Variants in EP400 observed in about 807,000 individuals in gnomAD.
The protein encoded by EP400 is E1A-binding protein p400.
EP400 carries 105 observed loss-of-function variants against 354.1 expected under a neutral mutation model. The ratio of observed to expected loss-of-function variants is 0.30; its 90% CI spans 0.25 to 0.35. The LOEUF (loss-of-function observed/expected upper bound fraction) is 0.35, where lower values mean the gene tolerates loss of function less well. Ranked by LOEUF, EP400 falls within the 10% of genes least tolerant of loss-of-function variation. EP400 has a pLI of 1.00. For missense variants in EP400, 3,280 were observed against 4,121.0 expected, an observed-to-expected ratio of 0.80 and a Z score of 5.59; for synonymous variants, 1,646 against 1,716.9, an observed-to-expected ratio of 0.96 and a Z score of 1.02.
intron 2 of EP400, among the ~76,000 whole-genome samples, chr12:131,977,864 G>A (rs2136486391): frequency 6.6e-6 from 1 of 152,266 alleles, no homozygotes; most frequent in South Asian, 2.1e-4. Context: ...GCTGGTGGTG[G>A]CTGTGTGGTG....
chr12:132,028,361 G>A lies in EP400; in HGVS notation c.5381+73G>A, dbSNP rs116908333. ...CCCCGGCAAGACCCCTTCTTGTCTC[G>A]TGGATGTACATCTTACTCCCATCGG... is the stretch of plus-strand genomic sequence containing the variant. On this transcript the variant is annotated intron_variant, in intron 27 of 52. Coordinates refer to ENST00000389561, the MANE Select transcript of EP400 (RefSeq NM_015409.5). The A allele has an allele frequency of 6.4e-3, 9,932 of 1,559,420 alleles. 55 individuals are homozygous for A. Among genetic ancestry groups the A allele is most frequent in the Non-Finnish European group, 6.8e-3 (7,777 of 1,141,618 alleles).
At position 132,028,055 on chromosome 12, in the gene EP400, GATTT is replaced by G. The variant is rs771194366; in HGVS notation, c.5154_5157del (p.Tyr1718Ter). The G allele has an allele frequency of 6.2e-7, 1 of 1,614,206 alleles. No individual in the cohort carries two copies. The highest frequency in any genetic ancestry group is 8.5e-7 in the Non-Finnish European group (1 of 1,180,028). On this transcript the variant is annotated frameshift_variant, in exon 27 of 53. Transcript: ENST00000389561. LOFTEE classifies it high-confidence loss of function. ...GACTCTTGAAAGAGCGCCTGGATCA[GATTT>G]ATTTAGTCAACGAGCGGCGCTGTTC...
intron 50 of EP400, chr12:132,068,334 G>C (rs1004056713): frequency 1.4e-4 from 22 of 152,388 alleles, no homozygotes; most frequent in Admixed American, 5.9e-4. Context: ...CCTCAAGACG[G>C]AGGATGTTGT....
At chr12:131,979,345 G>A (rs1892601343) in intron 2 of EP400, among the ~76,000 whole-genome samples, 1 of 152,176 alleles carries the variant, frequency 6.6e-6, no homozygotes, top group African/African-American at 2.4e-5. Flanking sequence ...TGGGCAGTGT[G>A]ACTGATGAGT....
In EP400 at chr12:132,011,482, G is replaced by T. The variant is rs781310074; in HGVS notation, c.3305-16G>T. ...CAGATACTTTGACGTGGAAAATTCTGTTTTTTGCTTTGTAGGTAATTGGGG... is the reference window on the plus strand; with the variant it reads ...CAGATACTTTGACGTGGAAAATTCTTTTTTTTGCTTTGTAGGTAATTGGGG... On this transcript the variant is annotated splice_polypyrimidine_tract_variant and intron_variant, in intron 15 of 52. Transcript: ENST00000389561. The T allele has an allele frequency of 5.6e-6, 9 of 1,611,554 alleles. No homozygotes were observed. Among genetic ancestry groups the T allele is most frequent in the African/African-American group, 2.7e-5 (2 of 74,650 alleles).
At chr12:132,063,079 C>T (rs971215060) in intron 47 of EP400, among the ~76,000 whole-genome samples, 9 of 152,116 alleles carry the variant, frequency 5.9e-5, no homozygotes, top group African/African-American at 1.7e-4. Flanking sequence ...GGAGAGCAGG[C>T]GATGGACCCT....
intron 51 of EP400, among the ~76,000 whole-genome samples, chr12:132,073,919 GTTTTTTTTTTTTTTT>G (rs34186152): frequency 2.4e-5 from 2 of 82,124 alleles, no homozygotes; most frequent in African/African-American, 5.7e-5. Context: ...GTTTTTTGGG[GTTTTTTTTTTTTTTT>G]TTTTTTTTTT....
chr12:132,034,460 C>T (rs772668294), intron 30 of EP400, among the ~76,000 whole-genome samples: 4 of 152,184 alleles, frequency 2.6e-5, no homozygotes, highest in Non-Finnish European at 5.9e-5. Context: ...TGTGAAGGTT[C>T]TATGCGTGCA....
rs1381010246 is a variant in EP400, at chr12:132,062,132, C to T, written c.7907C>T (p.Ala2636Val). 1 of 1,613,532 alleles carries T rather than the reference C, an allele frequency of 6.2e-7. No homozygotes were observed. Among genetic ancestry groups the T allele is most frequent in the East Asian group, 2.2e-5 (1 of 44,866 alleles). Residue 2636 changes from alanine (A) to valine (V), a missense_variant, in exon 46 of 53, where the codon GCC (alanine) becomes GTC (valine). Coordinates refer to ENST00000389561, the MANE Select transcript of EP400 (RefSeq NM_015409.5). ...ALTTPGGSAP[A>V]QVVHTQPPPR... is the part of the protein sequence containing the mutation. ...TAGACGCCGGGAGGCTCTGCTCCCGCCCAGGTGGTGCACACCCAGCCCCCG... is the reference window on the plus strand; with the variant it reads ...TAGACGCCGGGAGGCTCTGCTCCCGTCCAGGTGGTGCACACCCAGCCCCCG...
chr12:131,986,164 T>C (rs1415962364), intron 5 of EP400, among the ~76,000 whole-genome samples: 2 of 151,764 alleles, frequency 1.3e-5, no homozygotes, highest in Non-Finnish European at 2.9e-5. Flanking sequence ...TTTGTAGAGA[T>C]GGGGTCTTTC....
chr12:131,968,915 A>G (rs1892194650), intron 2 of EP400, among the ~76,000 whole-genome samples: 1 of 152,234 alleles, frequency 6.6e-6, no homozygotes, highest in African/African-American at 2.4e-5. Context: ...CAACCTTGCT[A>G]AACTCATTTA....
At chr12:131,963,735 T>A (rs1028809202) in intron 2 of EP400, 2 of 929,736 alleles carry the variant, frequency 2.2e-6, no homozygotes. Context: ...CTCTTCAGCA[T>A]TTTTTTTCCA....
At position 132,053,575 on chromosome 12, in the gene EP400, C is replaced by T. The variant is rs572772861; in HGVS notation, c.7706C>T (p.Thr2569Met). The T allele has an allele frequency of 1.3e-5, 21 of 1,563,970 alleles. No homozygotes were observed. The highest frequency in any genetic ancestry group is 8.1e-5 in the African/African-American group (6 of 73,802). Residue 2569 changes from threonine (T) to methionine (M), a missense_variant, in exon 43 of 53, where the codon ACG (threonine) becomes ATG (methionine). This residue lies in a region of EP400 where 255 missense variants were observed against 295.9 expected (regional missense o/e 0.86). Coordinates refer to ENST00000389561, the MANE Select transcript of EP400 (RefSeq NM_015409.5). ...GCGAAGGCGCAGCCCGCAATCACGACGGGGGGCAGTGCAGCCGTACTGGTG... is the reference window on the plus strand; with the variant it reads ...GCGAAGGCGCAGCCCGCAATCACGATGGGGGGCAGTGCAGCCGTACTGGTG... ...APAKAQPAIT[T>M]GGSAAVLAGT...
chr12:131,986,003 C>T (rs972873805), intron 5 of EP400, among the ~76,000 whole-genome samples: 1 of 152,140 alleles, frequency 6.6e-6, no homozygotes, highest in Non-Finnish European at 1.5e-5. Context: ...GAGATAGGGT[C>T]TTGCTTCGTT....
intron 22 of EP400, 135 bp from the exon 23 acceptor site, chr12:132,020,944 T>C (rs1439810578): frequency 8.0e-7 from 1 of 1,250,798 alleles, no homozygotes; most frequent in Admixed American, 3.1e-5. Flanking sequence ...CCCCTCTTTT[T>C]TTCCTTAAGA....
rs776694872 is a variant in EP400, at chr12:131,990,603, A to G, written c.2551-33A>G. The G allele has an allele frequency of 4.8e-6, 7 of 1,473,222 alleles. No individual in the cohort carries two copies. The South Asian group carries it at 7.0e-5, about 15-fold the overall frequency. The allele number at this position is 1,473,222 out of a possible 1,614,324, so 91.3% of individuals were successfully genotyped here. On this transcript the variant is annotated intron_variant, in intron 8 of 52. Coordinates refer to ENST00000389561, the MANE Select transcript of EP400 (RefSeq NM_015409.5). This position sits in a 1 kb window ranked among gnomAD's most constrained non-coding sequence, Gnocchi z 4.2. ...AACGTCTGTAATTCCCATCCTTAGT[A>G]ATGTGCTTATTCATTTAATCCTTTG...
At chr12:132,044,990 C>CAATCA (rs1895038154) in intron 37 of EP400, 37 bp downstream of exon 37, 1 of 1,607,860 alleles carries the variant, frequency 6.2e-7, no homozygotes, top group Non-Finnish European at 8.5e-7. Flanking sequence ...CCTGGGGGGG[C>CAATCA]CCTGGCCTGC....
chr12:132,062,593 A>G lies in EP400; in HGVS notation c.8226A>G (p.Gln2742=), dbSNP rs111782215. The G allele has an allele frequency of 3.8e-4, 456 of 1,211,960 alleles. 2 individuals are homozygous for G. In the East Asian group the frequency reaches 4.0e-3, roughly 11 times the overall value. 75.1% of individuals were successfully genotyped at this position (1,211,960 alleles called of 1,614,324 possible). ...AGCAGCAGCAGCAGCAGCAGCAGCA[A>G]CAGCAGCAGCAGCAACAGACGACGA... ...QQQQQQQQQQ[Q]QQQQQQTTTT... Residue 2742 remains glutamine, a synonymous_variant, in exon 47 of 53, where the codon CAA becomes CAG. Transcript: ENST00000389561.
At chr12:132,044,132 A>G in intron 34 of EP400, 45 bp from the exon 35 acceptor site, 1 of 1,608,262 alleles carries the variant, frequency 6.2e-7, no homozygotes, top group South Asian at 1.1e-5. Flanking sequence ...GGCTGCTCTG[A>G]GCTGCACTCC....
Sources: allele counts gnomAD v4.1 joint callset (sites outside exome capture counted in the v4.1 genomes callset), GRCh38; gene constraint gnomAD v4.1.1; regional missense constraint gnomAD v4.1.1; non-coding constraint Gnocchi (gnomAD v3.1); transcripts MANE v1.5; gene names NCBI Gene and HGNC (gene_info 2026-07-23, HGNC 2026-07-21).